SENP6: variants seen among roughly 807,000 people sequenced by gnomAD.
The protein encoded by SENP6 is sentrin-specific protease 6.
A neutral mutation model predicts 134.5 loss-of-function variants in SENP6; 41 were observed. The ratio of observed to expected loss-of-function variants is 0.30; its 90% CI spans 0.24 to 0.40. SENP6 has a LOEUF of 0.40. Ranked by LOEUF, SENP6 falls within the 10% of genes least tolerant of loss-of-function variation. The probability of loss-of-function intolerance (pLI) is 1.00; values close to 1 mark genes in which losing one functional copy is unlikely to be tolerated. For synonymous variants in SENP6, 395 were observed against 429.8 expected (o/e 0.92, Z 1.00); for missense variants, 1,248 against 1,312.5 (o/e 0.95, Z 0.76).
rs1329229387 is a variant in SENP6, at chr6:75,633,733, G to A, written c.353+7G>A. The A allele has an allele frequency of 1.9e-6, 3 of 1,592,904 alleles. No homozygotes were observed. The highest frequency in any genetic ancestry group is 2.6e-6 in the Non-Finnish European group (3 of 1,173,338). On this transcript the variant is annotated splice_region_variant and intron_variant, in intron 4 of 23. Transcript: ENST00000447266. Reference sequence around the variant, plus strand: ...GCAACAATAAGAAATTGAGGTATAGGCACTTCACCACACATTCCTACAGAA... The same window carrying A: ...GCAACAATAAGAAATTGAGGTATAGACACTTCACCACACATTCCTACAGAA...
intron 6 of SENP6, among the ~76,000 whole-genome samples, chr6:75,644,519 C>G (rs1770283554): frequency 6.8e-6 from 1 of 147,274 alleles, no homozygotes; most frequent in South Asian, 2.1e-4. Flanking sequence ...CAGTCTGGCT[C>G]TGTCGCCTAG....
rs755883068 is a variant in SENP6, at chr6:75,666,992, G to A, written c.1224+51G>A. The A allele has an allele frequency of 2.3e-6, 3 of 1,318,352 alleles. No homozygotes were observed. The Admixed American group carries it at 6.2e-5, about 27-fold the overall frequency. 81.7% of individuals were successfully genotyped at this position (1,318,352 alleles called of 1,614,324 possible). Reference sequence around the variant, plus strand: ...GTTCAGATTAATGCCTCCATTTTGGGGTGTAAATTTTTTTTAGAAGGCAGT... The same window carrying A: ...GTTCAGATTAATGCCTCCATTTTGGAGTGTAAATTTTTTTTAGAAGGCAGT... On this transcript the variant is annotated intron_variant, in intron 10 of 23. Coordinates refer to ENST00000447266, the MANE Select transcript of SENP6 (RefSeq NM_015571.4).
At chr6:75,651,228 T>C (rs1406867476) in intron 7 of SENP6, among the ~76,000 whole-genome samples, 3 of 152,190 alleles carry the variant, frequency 2.0e-5, no homozygotes, top group Non-Finnish European at 4.4e-5. Flanking sequence ...GTTTTTTGTA[T>C]CCTTGTTAGA....
intron 23 of SENP6, among the ~76,000 whole-genome samples, chr6:75,715,162 T>A (rs949185803): frequency 6.6e-6 from 1 of 152,106 alleles, no homozygotes; most frequent in African/African-American, 2.4e-5. Context: ...TGGGCAGAAT[T>A]TGGTCCACTG....
intron 1 of SENP6, among the ~76,000 whole-genome samples, chr6:75,616,603 G>A (rs548164320): frequency 6.6e-6 from 1 of 152,012 alleles, no homozygotes; most frequent in East Asian, 1.9e-4. Flanking sequence ...AAAATTAGCC[G>A]GGCGTGGTAG....
chr6:75,702,636 T>A lies in SENP6; in HGVS notation c.2289-9T>A. ...TAACATATTTAGTCATTTCATTTGT[T>A]TTTTACAGTGCACACTGGTTTTTGG... On this transcript the variant is annotated splice_polypyrimidine_tract_variant and intron_variant, in intron 18 of 23. Transcript: ENST00000447266. 2.6e-6 allele frequency: 4 copies of A among 1,547,342 alleles called. No individual in the cohort carries two copies. In the South Asian group the frequency reaches 5.0e-5, roughly 19 times the overall value.
chr6:75,653,008 T>A (rs953472794), intron 7 of SENP6, among the ~76,000 whole-genome samples: 3 of 151,866 alleles, frequency 2.0e-5, no homozygotes, highest in African/African-American at 7.2e-5. Flanking sequence ...TTCCATTTTG[T>A]GGTTTTTCTG....
At chr6:75,617,221 T>C (rs963584899) in intron 1 of SENP6, among the ~76,000 whole-genome samples, 1 of 151,696 alleles carries the variant, frequency 6.6e-6, no homozygotes, top group African/African-American at 2.4e-5. Flanking sequence ...CATTTAAATT[T>C]ATATAGAAGT....
chr6:75,666,086 CGTAT>C lies in SENP6; in HGVS notation c.995-625_995-622del, dbSNP rs765982265. 5.5e-4 allele frequency among the ~76,000 whole-genome samples: 79 copies of C among 142,710 alleles called. No homozygotes were observed. The East Asian group carries it at 8.6e-3, about 16-fold the overall frequency. The allele number at this position is 142,710 out of a possible 152,430, so 93.6% of individuals were successfully genotyped here. On this transcript the variant is annotated intron_variant, in intron 9 of 23. Transcript: ENST00000447266. ...AAACGTATATATGATATATATAAAA[CGTAT>C]ATATGATATATATAAAATGTATATA...
intron 9 of SENP6, among the ~76,000 whole-genome samples, chr6:75,664,877 T>C (rs747358143): frequency 6.6e-6 from 1 of 152,240 alleles, no homozygotes; most frequent in Non-Finnish European, 1.5e-5. Context: ...TGTTCTCTTA[T>C]AGTTTATGTG....
At chr6:75,682,392 T>C (rs1773525070) in intron 16 of SENP6, among the ~76,000 whole-genome samples, 1 of 149,812 alleles carries the variant, frequency 6.7e-6, no homozygotes, top group Non-Finnish European at 1.5e-5. Context: ...CTACTCAACA[T>C]CAGGATTATA....
In SENP6 at chr6:75,633,614, T is replaced by C; in HGVS notation, c.241T>C (p.Ser81Pro). The change falls in exon 4 of 24, where the codon TCT (serine) becomes CCT (proline). Residue 81 changes from serine to proline, a missense_variant. This residue lies in a region of SENP6 where 733 missense variants were observed against 725.4 expected (regional missense o/e 1.01). Transcript: ENST00000447266. ...NRRSEIVANS[S>P]GEFILKTYVR... ...TCGATCTGAAATTGTTGCTAATAGCTCTGGTGAATTCATCTTGAAGACATA... is the reference window on the plus strand; with the variant it reads ...TCGATCTGAAATTGTTGCTAATAGCCCTGGTGAATTCATCTTGAAGACATA... The C allele has an allele frequency of 6.2e-7, 1 of 1,605,062 alleles. No homozygotes were observed. The highest frequency in any genetic ancestry group is 8.5e-7 in the Non-Finnish European group (1 of 1,177,608).
chr6:75,681,779 A>G (rs953666701), intron 16 of SENP6, among the ~76,000 whole-genome samples: 67 of 152,192 alleles, frequency 4.4e-4, no homozygotes, highest in African/African-American at 1.5e-3. Flanking sequence ...CTGTAATCCT[A>G]GCAATTTTGG....
chr6:75,654,449 A>G (rs1393881565), intron 7 of SENP6, among the ~76,000 whole-genome samples: 1 of 152,216 alleles, frequency 6.6e-6, no homozygotes, highest in Non-Finnish European at 1.5e-5. Flanking sequence ...GTAGAGGTAG[A>G]TTGTCATGCT....
chr6:75,604,246 C>T (rs1582636353), intron 1 of SENP6, among the ~76,000 whole-genome samples: 2 of 152,202 alleles, frequency 1.3e-5, no homozygotes, highest in South Asian at 4.1e-4. Context: ...ATCTAAGGGT[C>T]TTTGAATGTA....
chr6:75,648,172 G>C (rs868702505), intron 7 of SENP6, among the ~76,000 whole-genome samples: 33 of 151,942 alleles, frequency 2.2e-4, no homozygotes, highest in African/African-American at 5.6e-4. Context: ...AATACATTAG[G>C]GAAACACTCA....
At chr6:75,704,341 T>G (rs1164321462) in intron 19 of SENP6, among the ~76,000 whole-genome samples, 1 of 152,150 alleles carries the variant, frequency 6.6e-6, no homozygotes, top group Non-Finnish European at 1.5e-5. Flanking sequence ...CAAGAAAACA[T>G]GTGAGCAAAG....
chr6:75,615,307 G>A (rs536472190), intron 1 of SENP6, among the ~76,000 whole-genome samples: 4 of 152,198 alleles, frequency 2.6e-5, no homozygotes, highest in Admixed American at 1.3e-4. Flanking sequence ...AGCCTCCCGA[G>A]TAGCTGGGAT....
intron 6 of SENP6, among the ~76,000 whole-genome samples, chr6:75,646,346 A>G (rs1048112024): frequency 2.6e-5 from 4 of 152,026 alleles, no homozygotes; most frequent in Non-Finnish European, 4.4e-5. Flanking sequence ...TATTGGTGCA[A>G]TTTGCTGGGA....
Sources: allele counts gnomAD v4.1 joint callset (sites outside exome capture counted in the v4.1 genomes callset), GRCh38; gene constraint gnomAD v4.1.1; regional missense constraint gnomAD v4.1.1; transcripts MANE v1.5; gene names NCBI Gene and HGNC (gene_info 2026-07-23, HGNC 2026-07-21).